RAD50: variants seen among roughly 807,000 people sequenced by gnomAD.
RAD50 encodes the protein RAD50 double strand break repair protein, also known as DNA repair protein RAD50.
In RAD50, 132 loss-of-function variants were observed where a neutral mutation model predicts 168.8. The ratio of observed to expected loss-of-function variants is 0.78; its 90% CI spans 0.68 to 0.90. RAD50 has a LOEUF of 0.90. Among genes scored for constraint, RAD50 ranks in the 40% least tolerant of loss-of-function variants. RAD50 has a pLI of 0.00. For missense variants in RAD50, 1,347 were observed against 1,534.4 expected, an observed-to-expected ratio of 0.88 and a Z score of 2.04; for synonymous variants, 525 against 497.4, an observed-to-expected ratio of 1.06 and a Z score of -0.74.
chr5:132,588,794 C>T lies in RAD50; in HGVS notation c.1159C>T (p.Pro387Ser), dbSNP rs200404723. Residue 387 changes from proline (P) to serine (S), a missense_variant, in exon 8 of 25, where the codon CCA becomes TCA. Transcript: ENST00000378823. ...AGAATTGGATGGCTTTGAGCGTGGACCATTCAGTGAAAGACAGATTAAAAA... is the reference window on the plus strand; with the variant it reads ...AGAATTGGATGGCTTTGAGCGTGGATCATTCAGTGAAAGACAGATTAAAAA... Reference protein sequence around the residue: ...QLELDGFERGPFSERQIKNFH... With the variant: ...QLELDGFERGSFSERQIKNFH... The T allele has an allele frequency of 1.8e-5, 29 of 1,613,870 alleles. No individual in the cohort carries two copies.
chr5:132,601,919 T>C (rs1371253878), intron 13 of RAD50, among the ~76,000 whole-genome samples: 1 of 151,338 alleles, frequency 6.6e-6, no homozygotes, highest in Admixed American at 6.6e-5. Flanking sequence ...TAAATGGGAG[T>C]TGAACAATGA....
chr5:132,612,989 A>G (rs1476742747), intron 19 of RAD50, among the ~76,000 whole-genome samples: 1 of 152,058 alleles, frequency 6.6e-6, no homozygotes, highest in African/African-American at 2.4e-5. Context: ...TGGACTGCAT[A>G]GCTTTCAGGC....
At chr5:132,571,456 A>T (rs1202763347) in intron 2 of RAD50, among the ~76,000 whole-genome samples, 2 of 152,202 alleles carry the variant, frequency 1.3e-5, no homozygotes, top group African/African-American at 4.8e-5. Flanking sequence ...TCAAATTATT[A>T]ATTAATTGTA....
chr5:132,585,897 A>T (rs1470750285), intron 5 of RAD50, among the ~76,000 whole-genome samples: 9 of 152,142 alleles, frequency 5.9e-5, no homozygotes, highest in African/African-American at 1.9e-4. Context: ...CCAGGCAGAG[A>T]GTTCTAAATA....
chr5:132,570,260 A>G (rs1750278137), intron 2 of RAD50, among the ~76,000 whole-genome samples: 1 of 152,180 alleles, frequency 6.6e-6, no homozygotes, highest in Non-Finnish European at 1.5e-5. Context: ...TTATACTGAT[A>G]CAAGAAAATG....
At chr5:132,593,389 T>C (rs1750737965) in intron 11 of RAD50, 1 of 152,406 alleles carries the variant, frequency 6.6e-6, no homozygotes, top group South Asian at 2.1e-4. Context: ...TTTTTTATAA[T>C]ACACATTTTC....
At chr5:132,595,357 T>A (rs1173523241) in intron 12 of RAD50, 2 of 498,830 alleles carry the variant, frequency 4.0e-6, no homozygotes, top group Middle Eastern at 5.2e-4. Context: ...GTTATACTTA[T>A]AATGTGTTAC....
chr5:132,599,876 T>G (rs1177787796), intron 13 of RAD50, among the ~76,000 whole-genome samples: 1 of 152,236 alleles, frequency 6.6e-6, no homozygotes, highest in Non-Finnish European at 1.5e-5. Context: ...GGGATTGATT[T>G]ACATGATCAT....
rs146164432 is a variant in RAD50, at chr5:132,622,200, G to A, written c.3389+3906G>A. ...TTTTAAAACAGAGTCTGGCTCTGTC[G>A]CCCAGGCTAGAGTGCAGTGGCATGA... On this transcript the variant is annotated intron_variant, in intron 21 of 24. Transcript: ENST00000378823. 2.7e-4 allele frequency among the ~76,000 whole-genome samples: 41 copies of A among 150,714 alleles called. No homozygotes were observed. In the East Asian group the frequency reaches 3.3e-3, roughly 12 times the overall value.
intron 21 of RAD50, among the ~76,000 whole-genome samples, chr5:132,621,022 A>T (rs1460245100): frequency 6.6e-6 from 1 of 152,170 alleles, no homozygotes; most frequent in Non-Finnish European, 1.5e-5. Flanking sequence ...AAATCTACAT[A>T]AACATAGACC....
chr5:132,559,516 T>G, intron 2 of RAD50, 149 bp downstream of exon 2: 1 of 709,650 alleles, frequency 1.4e-6, no homozygotes, highest in East Asian at 2.9e-5. Flanking sequence ...GTTGACATTT[T>G]CATGTGTTTT....
chr5:132,591,500 G>A, intron 10 of RAD50, 94 bp downstream of exon 10: 1 of 1,253,800 alleles, frequency 8.0e-7, no homozygotes, highest in East Asian at 2.5e-5. Context: ...TATTAAGTTG[G>A]TATTGACTAT....
intron 5 of RAD50, among the ~76,000 whole-genome samples, chr5:132,584,663 C>T (rs1296164879): frequency 6.6e-6 from 1 of 152,082 alleles, no homozygotes; most frequent in Non-Finnish European, 1.5e-5. Flanking sequence ...TATTGCAGCA[C>T]TACTCACAAT....
At chr5:132,599,173 G>C (rs1015190440) in intron 13 of RAD50, among the ~76,000 whole-genome samples, 6 of 152,198 alleles carry the variant, frequency 3.9e-5, no homozygotes, top group Non-Finnish European at 7.3e-5. Flanking sequence ...TTCATGGGAT[G>C]ACTGGGCTCA....
At chr5:132,610,204 T>A (rs1751060631) in intron 19 of RAD50, among the ~76,000 whole-genome samples, 1 of 152,162 alleles carries the variant, frequency 6.6e-6, no homozygotes, top group Non-Finnish European at 1.5e-5. Context: ...TTACTCAGAT[T>A]GATTTCATTT....
chr5:132,588,568 A>C (rs1750637702), intron 7 of RAD50, 119 bp from the exon 8 acceptor site: 1 of 1,037,026 alleles, frequency 9.6e-7, no homozygotes, highest in African/African-American at 1.6e-5. Flanking sequence ...CATTGGGAGA[A>C]ACTGGGCAAA....
At position 132,557,071 on chromosome 5, in the gene RAD50, C is replaced by T. The variant is rs1243357904; in HGVS notation, c.-254C>T. ...GCTTTGCGTCCCCGGCGGGCAGCCC[C>T]AGGCTGGTCCCCGCCTCCGCTCTCC... On this transcript the variant is annotated 5_prime_UTR_variant, in exon 1 of 25. Transcript: ENST00000378823. 4.5e-6 allele frequency: 3 copies of T among 659,478 alleles called. No homozygotes were observed. Among genetic ancestry groups the T allele is most frequent in the Non-Finnish European group, 7.4e-6 (3 of 404,578 alleles). The allele number at this position is 659,478 out of a possible 1,614,324, so 40.9% of individuals were successfully genotyped here.
Position 132,609,339 on chromosome 5 carries a change from CAAAG to C in RAD50, c.2983_2986del (p.Glu995ArgfsTer2), listed in dbSNP as rs587780154. Reference sequence around the variant, plus strand: ...CTCAACTAAGTGAATGCGAGAAACACAAAGAAAAGATAAATGAAGATATGAGACT... The same window carrying C: ...CTCAACTAAGTGAATGCGAGAAACACAAAAGATAAATGAAGATATGAGACT... On this transcript the variant is annotated frameshift_variant, in exon 19 of 25. Transcript: ENST00000378823. LOFTEE classifies it high-confidence loss of function. 1.8e-5 allele frequency: 29 copies of C among 1,613,458 alleles called. No individual in the cohort carries two copies. The highest frequency in any genetic ancestry group is 1.8e-4 in the East Asian group (8 of 44,804).
Position 132,603,397 on chromosome 5 carries a change from G to A in RAD50, c.2305G>A (p.Glu769Lys), listed in dbSNP as rs1554099101. 1 of 1,613,832 alleles carries A rather than the reference G, an allele frequency of 6.2e-7. No homozygotes were observed. The highest frequency in any genetic ancestry group is 8.5e-7 in the Non-Finnish European group (1 of 1,179,818). ...RDIQRLKNDI[E>K]EQETLLGTIM... ...CATACAGCGCCTAAAGAACGACATA[G>A]AAGAACAAGAAACACTCTTGGGTAC... is the stretch of plus-strand genomic sequence containing the variant. Residue 769 changes from glutamate to lysine, a missense_variant, in exon 14 of 25, where the codon GAA becomes AAA. Glu to Lys is a moderately conservative substitution (Grantham distance 56). This residue lies in a region of RAD50 where 635 missense variants were observed against 739.2 expected (regional missense o/e 0.86). Transcript: ENST00000378823.
Sources: allele counts gnomAD v4.1 joint callset (sites outside exome capture counted in the v4.1 genomes callset), GRCh38; gene constraint gnomAD v4.1.1; regional missense constraint gnomAD v4.1.1; transcripts MANE v1.5; gene names NCBI Gene and HGNC (gene_info 2026-07-23, HGNC 2026-07-21).